Variants in CD247 observed in about 807,000 individuals in gnomAD.
CD247 encodes T-cell surface glycoprotein CD3 zeta chain.
CD247 carries 13 observed loss-of-function variants against 30.0 expected under a neutral mutation model. The ratio of observed to expected loss-of-function variants is 0.43; its 90% CI spans 0.28 to 0.69. CD247 has a LOEUF of 0.69. Ranked by LOEUF, CD247 falls within the 30% of genes least tolerant of loss-of-function variation. The probability of loss-of-function intolerance (pLI) is 0.16; values close to 1 mark genes in which losing one functional copy is unlikely to be tolerated. For missense variants in CD247, 193 were observed against 212.6 expected (o/e 0.91, Z 0.57); for synonymous variants, 72 against 80.0 (o/e 0.90, Z 0.53).
At chr1:167,503,598 T>C (rs574313191) in intron 1 of CD247, among the ~76,000 whole-genome samples, 65 of 152,212 alleles carry the variant, frequency 4.3e-4, no homozygotes, top group Non-Finnish European at 8.4e-4. Flanking sequence ...AAAATGTACA[T>C]TCCTTCTTTT....
At chr1:167,482,552 T>C (rs1405564256) in intron 1 of CD247, among the ~76,000 whole-genome samples, 1 of 152,208 alleles carries the variant, frequency 6.6e-6, no homozygotes, top group Non-Finnish European at 1.5e-5. Flanking sequence ...GCAAAGCCCA[T>C]GCTGGCTGGG....
At chr1:167,446,088 G>T (rs1440394144) in intron 1 of CD247, among the ~76,000 whole-genome samples, 1 of 152,134 alleles carries the variant, frequency 6.6e-6, no homozygotes, top group African/African-American at 2.4e-5. Context: ...GAATTCCTGG[G>T]TCTCCTGACT....
chr1:167,471,251 A>C (rs1653511024), intron 1 of CD247, among the ~76,000 whole-genome samples: 1 of 152,022 alleles, frequency 6.6e-6, no homozygotes, highest in African/African-American at 2.4e-5. Flanking sequence ...AAAGTAACTC[A>C]CCCTTAAATT....
chr1:167,434,140 A>C, intron 5 of CD247, 64 bp from the exon 6 acceptor site: 1 of 1,473,298 alleles, frequency 6.8e-7, no homozygotes, highest in Non-Finnish European at 9.5e-7. Context: ...AGGTTCCCCT[A>C]CAACAGGAAG....
intron 1 of CD247, among the ~76,000 whole-genome samples, chr1:167,512,649 T>G (rs1461471130): frequency 6.6e-6 from 1 of 152,220 alleles, no homozygotes; most frequent in African/African-American, 2.4e-5. Context: ...GATATTCTAT[T>G]TTGCAGATTG....
chr1:167,452,052 G>A (rs1256271189), intron 1 of CD247, among the ~76,000 whole-genome samples: 3 of 152,242 alleles, frequency 2.0e-5, no homozygotes, highest in South Asian at 2.1e-4. Flanking sequence ...GCTAAACCCC[G>A]TCTCTACCGA....
chr1:167,484,728 G>T (rs1046338633), intron 1 of CD247, among the ~76,000 whole-genome samples: 42 of 152,352 alleles, frequency 2.8e-4, no homozygotes, highest in Non-Finnish European at 5.4e-4. Context: ...AGTGAGCCGA[G>T]ATCGCGCCAC....
At chr1:167,440,625 G>T (rs753500112) in intron 2 of CD247, 39 bp downstream of exon 2, 1 of 1,390,940 alleles carries the variant, frequency 7.2e-7, no homozygotes, top group South Asian at 1.2e-5. Context: ...ATCAAGTGGG[G>T]GACCCCGTGC....
chr1:167,466,877 T>C (rs1001337129), intron 1 of CD247, among the ~76,000 whole-genome samples: 2 of 151,842 alleles, frequency 1.3e-5, no homozygotes, highest in Non-Finnish European at 2.9e-5. Context: ...TCTCGCTCTG[T>C]CGCCCAGGCT....
At chr1:167,453,580 G>A (rs1280014064) in intron 1 of CD247, among the ~76,000 whole-genome samples, 3 of 152,076 alleles carry the variant, frequency 2.0e-5, no homozygotes, top group African/African-American at 7.2e-5. Flanking sequence ...CTAGGAACCT[G>A]ATAAATTTTG....
At chr1:167,488,119 A>G (rs1654292486) in intron 1 of CD247, among the ~76,000 whole-genome samples, 1 of 152,206 alleles carries the variant, frequency 6.6e-6, no homozygotes, top group Admixed American at 6.5e-5. Context: ...GGAAATAACA[A>G]TTGTTACCCC....
At chr1:167,474,572 G>A (rs1265837824) in intron 1 of CD247, among the ~76,000 whole-genome samples, 2 of 151,940 alleles carry the variant, frequency 1.3e-5, no homozygotes, top group African/African-American at 2.4e-5. Context: ...CTGAGCCCCC[G>A]GTCTGGGAAG....
At chr1:167,512,674 A>G (rs1306837995) in intron 1 of CD247, among the ~76,000 whole-genome samples, 1 of 152,264 alleles carries the variant, frequency 6.6e-6, no homozygotes, top group Middle Eastern at 3.2e-3. Flanking sequence ...ACTGAGGCAC[A>G]CATGCTAATG....
chr1:167,485,213 TG>T (rs1654153955), intron 1 of CD247, among the ~76,000 whole-genome samples: 1 of 152,104 alleles, frequency 6.6e-6, no homozygotes, highest in African/African-American at 2.4e-5. Context: ...GGGGGGCATT[TG>T]AAAATGAAAA....
At chr1:167,490,558 G>A (rs934890630) in intron 1 of CD247, among the ~76,000 whole-genome samples, 9 of 152,294 alleles carry the variant, frequency 5.9e-5, no homozygotes, top group African/African-American at 1.9e-4. Context: ...GCGAGGCGGA[G>A]GTTGCAGCGA....
chr1:167,438,716 C>T lies in CD247; in HGVS notation c.220-66G>A, dbSNP rs1571512774. On this transcript the variant is annotated intron_variant, in intron 3 of 7. Transcript: ENST00000362089. Reference sequence around the variant, plus strand: ...CCTCAGAAGGATGGAGCCAGCTGGACTGGGGAGTGTGGTTTCCCTCTCTGG... The same window carrying T: ...CCTCAGAAGGATGGAGCCAGCTGGATTGGGGAGTGTGGTTTCCCTCTCTGG... The T allele has an allele frequency of 3.1e-6, 4 of 1,292,432 alleles. No homozygotes were observed. The South Asian group carries it at 3.5e-5, about 11-fold the overall frequency. 80.1% of individuals were successfully genotyped at this position (1,292,432 alleles called of 1,614,324 possible).
intron 1 of CD247, among the ~76,000 whole-genome samples, chr1:167,488,326 C>T (rs1387212241): frequency 1.3e-5 from 2 of 152,216 alleles, no homozygotes; most frequent in Admixed American, 1.3e-4. Context: ...TCATTCAAAA[C>T]TGTCATGATA....
intron 4 of CD247, among the ~76,000 whole-genome samples, chr1:167,437,240 T>TA (rs34997944): frequency 0.045 from 6,850 of 151,832 alleles, 199 homozygotes; most frequent in African/African-American, 0.073. Flanking sequence ...CCGTCTCTAC[T>TA]AAAAAAACTA....
intron 1 of CD247, among the ~76,000 whole-genome samples, chr1:167,445,765 C>T (rs574234722): frequency 7.9e-5 from 12 of 152,288 alleles, no homozygotes; most frequent in Admixed American, 7.2e-4. Context: ...CCTGGTCCTG[C>T]CATACCCTGA....
Sources: gnomAD v4.1 joint callset for allele counts (sites outside exome capture counted in the v4.1 genomes callset) on GRCh38, gnomAD v4.1.1 for gene constraint, MANE v1.5 for transcripts, NCBI Gene and HGNC (gene_info 2026-07-23, HGNC 2026-07-21) for gene names.